Variants in ITGAD observed in about 807,000 individuals in gnomAD.
ITGAD encodes integrin subunit alpha D, also known as integrin alpha-D.
Under a neutral mutation model 139.0 loss-of-function variants are expected in ITGAD, and 105 were observed. That is an observed-to-expected ratio of 0.76 (90% CI 0.65 to 0.89). ITGAD has a LOEUF of 0.89. Among genes scored for constraint, ITGAD ranks in the 40% least tolerant of loss-of-function variants. The probability of loss-of-function intolerance (pLI) is 0.00; values close to 1 mark genes in which losing one functional copy is unlikely to be tolerated. For missense variants in ITGAD, 1,384 were observed against 1,487.3 expected (o/e 0.93, Z 1.14); for synonymous variants, 569 against 598.3 (o/e 0.95, Z 0.71).
intron 16 of ITGAD, among the ~76,000 whole-genome samples, chr16:31,413,635 C>G (rs546874482): frequency 6.6e-6 from 1 of 152,196 alleles, no homozygotes; most frequent in Non-Finnish European, 1.5e-5. Context: ...CTGCGTAACC[C>G]GCCTTGCATT....
rs758625966 is a variant in ITGAD at position 31,410,737 on chromosome 16, T to C, written c.1215T>C (p.Gly405=). ...ENVDMRDSYL[G]YSTELALWKG... is the part of the protein sequence containing the mutation. ...TGTGCTGAGGCCTGGGCCCCTCAGG[T>C]TACTCCACCGAGCTAGCCCTGTGGA... Residue 405 remains glycine (G), a splice_region_variant and synonymous_variant, in exon 12 of 30, where the codon GGT becomes GGC. Coordinates refer to ENST00000389202, the MANE Select transcript of ITGAD (RefSeq NM_005353.3). 1.1e-5 allele frequency: 18 copies of C among 1,609,968 alleles called. No homozygotes were observed. The highest frequency in any genetic ancestry group is 1.5e-5 in the Non-Finnish European group (18 of 1,178,696).
intron 2 of ITGAD, among the ~76,000 whole-genome samples, chr16:31,395,803 G>T (rs2081251122): frequency 6.6e-6 from 1 of 152,048 alleles, no homozygotes; most frequent in Non-Finnish European, 1.5e-5. Flanking sequence ...AAGTGGTGCT[G>T]GCAGTGAGCC....
intron 18 of ITGAD, among the ~76,000 whole-genome samples, chr16:31,415,645 C>T (rs1401974335): frequency 6.6e-6 from 1 of 152,154 alleles, no homozygotes; most frequent in Admixed American, 6.5e-5. Context: ...TGCCTTTGTC[C>T]CTGTTTCGCC....
In ITGAD at chr16:31,403,454, T is replaced by G. The variant is rs776494470; in HGVS notation, c.559-46T>G. 1.2e-6 allele frequency: 2 copies of G among 1,605,196 alleles called. No homozygotes were observed. The highest frequency in any genetic ancestry group is 3.4e-5 in the Admixed American group (2 of 58,776). On this transcript the variant is annotated intron_variant, in intron 6 of 29. Coordinates refer to ENST00000389202, the MANE Select transcript of ITGAD (RefSeq NM_005353.3). This position sits in a 1 kb window ranked among gnomAD's most constrained non-coding sequence, Gnocchi z 4.4. ...CTACAAAAAATTAAAATAAAAACAA[T>G]AGTAACAGGCACTGAGCCCTGGGCC... is the stretch of plus-strand genomic sequence containing the variant.
In ITGAD at chr16:31,414,457, T is replaced by C; in HGVS notation, c.2003T>C (p.Ile668Thr). Residue 668 changes from isoleucine to threonine, a missense_variant, in exon 17 of 30, where the codon ATC becomes ACC. Transcript: ENST00000389202. ...QKSSLDQLGD[I>T]QSSVRFDLAL... ...ACTCTCCCCTGCACTTCAGGTGACATCCAAAGCTCTGTCAGGTTTGATCTG... is the reference window on the plus strand; with the variant it reads ...ACTCTCCCCTGCACTTCAGGTGACACCCAAAGCTCTGTCAGGTTTGATCTG... 1 of 1,614,122 alleles carries C rather than the reference T, an allele frequency of 6.2e-7. No homozygotes were observed. The highest frequency in any genetic ancestry group is 8.5e-7 in the Non-Finnish European group (1 of 1,179,938).
At chr16:31,394,702 A>T (rs1483746713) in intron 2 of ITGAD, among the ~76,000 whole-genome samples, 4 of 152,186 alleles carry the variant, frequency 2.6e-5, no homozygotes, top group Admixed American at 1.3e-4. Flanking sequence ...TTTTTACTCC[A>T]GCTCTGTTAC....
intron 29 of ITGAD, among the ~76,000 whole-genome samples, chr16:31,425,472 C>T (rs2082094979): frequency 6.6e-6 from 1 of 152,250 alleles, no homozygotes; most frequent in Non-Finnish European, 1.5e-5. Context: ...TGGATCTATG[C>T]TGTCCTGCCA....
At chr16:31,393,506 G>A (rs994913474) in intron 1 of ITGAD, 115 bp downstream of exon 1, 2 of 1,089,150 alleles carry the variant, frequency 1.8e-6, no homozygotes, top group East Asian at 4.8e-5. Flanking sequence ...AGGAGCTGAG[G>A]CAGGGGAGTG....
At chr16:31,423,687 C>T in intron 26 of ITGAD, 39 bp downstream of exon 26, 1 of 1,582,792 alleles carries the variant, frequency 6.3e-7, no homozygotes, top group Non-Finnish European at 8.7e-7. Context: ...AAGATCAGCC[C>T]CCACCGGGGA....
chr16:31,423,761 C>T, intron 26 of ITGAD, 84 bp from the exon 27 acceptor site: 4 of 1,544,988 alleles, frequency 2.6e-6, no homozygotes, highest in Non-Finnish European at 3.6e-6. Flanking sequence ...TCATCTGTTC[C>T]CCACCCCAAA....
In ITGAD at chr16:31,402,076, C is replaced by A. The variant is rs201898253; in HGVS notation, c.428-39C>A. Reference sequence around the variant, plus strand: ...AGGAGCTGCAGGAGGGGGTTGGGCCCCCGCAGTGCATCTCCGATTCCTCCC... The same window carrying A: ...AGGAGCTGCAGGAGGGGGTTGGGCCACCGCAGTGCATCTCCGATTCCTCCC... On this transcript the variant is annotated intron_variant, in intron 5 of 29. Transcript: ENST00000389202. 1.1e-5 allele frequency: 17 copies of A among 1,601,986 alleles called. No homozygotes were observed. In the East Asian group the frequency reaches 3.8e-4, roughly 36 times the overall value.
intron 7 of ITGAD, among the ~76,000 whole-genome samples, chr16:31,406,523 C>G (rs900873967): frequency 7.9e-5 from 12 of 152,174 alleles, no homozygotes; most frequent in Admixed American, 2.6e-4. Context: ...AAACCATCCC[C>G]AAATTAAGTG....
rs775347838 is a variant in ITGAD at position 31,423,661 on chromosome 16, C to G, written c.3045+13C>G. 1.1e-5 allele frequency: 17 copies of G among 1,610,214 alleles called. No individual in the cohort carries two copies. Among genetic ancestry groups the G allele is most frequent in the Non-Finnish European group, 1.3e-5 (15 of 1,177,058 alleles). The stretch of plus-strand genomic sequence containing the variant: ...AAGTCCCATGCTGGTGAGAAAGTCC[C>G]TGAACCCCCACCGCCAAGATCAGCC... On this transcript the variant is annotated intron_variant, in intron 26 of 29. Coordinates refer to ENST00000389202, the MANE Select transcript of ITGAD (RefSeq NM_005353.3).
intron 10 of ITGAD, among the ~76,000 whole-genome samples, chr16:31,409,338 C>A (rs1178128218): frequency 6.9e-6 from 1 of 143,892 alleles, no homozygotes. Flanking sequence ...CAAAACAAAG[C>A]AAAAAAAAAC....
At chr16:31,412,815 T>G in intron 14 of ITGAD, 23 bp from the exon 15 acceptor site, 1 of 1,613,220 alleles carries the variant, frequency 6.2e-7, no homozygotes, top group Non-Finnish European at 8.5e-7. Flanking sequence ...CCAGCCTGAT[T>G]CACCCTTTTC....
Position 31,403,881 on chromosome 16 carries a change from C to T in ITGAD, c.704+236C>T. Reference sequence around the variant, plus strand: ...TATGCCTCCCCTTTGCCTGGTTCTGCAGAGCCTGGACCCCAGGACCCCTCC... The same window carrying T: ...TATGCCTCCCCTTTGCCTGGTTCTGTAGAGCCTGGACCCCAGGACCCCTCC... On this transcript the variant is annotated intron_variant, in intron 7 of 29. Transcript: ENST00000389202. The surrounding 1 kb of genome is among the most constrained non-coding windows in gnomAD (Gnocchi z 4.4). 1.9e-6 allele frequency: 1 copy of T among 532,058 alleles called. No homozygotes were observed. Among genetic ancestry groups the T allele is most frequent in the Non-Finnish European group, 3.4e-6 (1 of 297,510 alleles). 33.0% of individuals were successfully genotyped at this position (532,058 alleles called of 1,614,324 possible). A position where few individuals can be genotyped will look rare whatever the true frequency, so the allele number is the denominator to read the frequency against.
At chr16:31,398,086 T>A (rs997863549) in intron 5 of ITGAD, among the ~76,000 whole-genome samples, 177 bp downstream of exon 5, 2 of 152,070 alleles carry the variant, frequency 1.3e-5, no homozygotes, top group African/African-American at 4.8e-5. Context: ...GGGTAGAAGT[T>A]CTTTGCAGGG....
intron 23 of ITGAD, among the ~76,000 whole-genome samples, chr16:31,422,193 G>A (rs2082021435): frequency 6.6e-6 from 1 of 151,662 alleles, no homozygotes; most frequent in Non-Finnish European, 1.5e-5. Context: ...TTCTGCCTTA[G>A]TCTCTCTAAG....
At chr16:31,407,141 G>A (rs1400837125) in intron 7 of ITGAD, among the ~76,000 whole-genome samples, 1 of 152,188 alleles carries the variant, frequency 6.6e-6, no homozygotes, top group Non-Finnish European at 1.5e-5. Flanking sequence ...ATCACTTGAT[G>A]TCAGGAGTTT....
Sources: allele counts gnomAD v4.1 joint callset (sites outside exome capture counted in the v4.1 genomes callset), GRCh38; gene constraint gnomAD v4.1.1; non-coding constraint Gnocchi (gnomAD v3.1); transcripts MANE v1.5; gene names NCBI Gene and HGNC (gene_info 2026-07-23, HGNC 2026-07-21).